Variants in LDB3 observed in about 807,000 individuals in gnomAD.
LDB3 encodes LIM domain-binding protein 3.
In LDB3, 49 loss-of-function variants were observed where a neutral mutation model predicts 69.0. The ratio of observed to expected loss-of-function variants is 0.71; its 90% CI spans 0.56 to 0.90. LDB3 has a LOEUF of 0.90. Ranked by LOEUF, LDB3 falls within the 40% of genes least tolerant of loss-of-function variation. The pLI is 0.00. For synonymous variants in LDB3, 387 were observed against 396.2 expected, an observed-to-expected ratio of 0.98 and a Z score of 0.28; for missense variants, 928 against 974.1, an observed-to-expected ratio of 0.95 and a Z score of 0.63.
rs549841691 is a variant in LDB3 at position 86,699,602 on chromosome 10, C to T, written c.897-6929C>T. 98 of 1,396,722 alleles carry T rather than the reference C, an allele frequency of 7.0e-5. No homozygotes were observed. Among genetic ancestry groups the T allele is most frequent in the Non-Finnish European group, 6.8e-5 (73 of 1,073,692 alleles). 86.5% of individuals were successfully genotyped at this position (1,396,722 alleles called of 1,614,324 possible). Reference sequence around the variant, plus strand: ...CACCAAACCTCCCCAGGGCAACCCTCGCCACCCCCCAAATAGCCCGTAGCC... The same window carrying T: ...CACCAAACCTCCCCAGGGCAACCCTTGCCACCCCCCAAATAGCCCGTAGCC... On this transcript the variant is annotated intron_variant, in intron 7 of 13. Coordinates refer to ENST00000361373, the MANE Select transcript of LDB3 (RefSeq NM_007078.3). The surrounding 1 kb of genome is among the most constrained non-coding windows in gnomAD (Gnocchi z 4.9).
intron 5 of LDB3, among the ~76,000 whole-genome samples, chr10:86,685,961 C>T (rs1845445556): frequency 6.6e-6 from 1 of 152,004 alleles, no homozygotes; most frequent in Non-Finnish European, 1.5e-5. Flanking sequence ...TAAGATGTGC[C>T]TGGGGTTGGT....
At position 86,681,541 on chromosome 10, in the gene LDB3, AGC is replaced by A; in HGVS notation, c.428_429del (p.Ser143ThrfsTer17). 6.2e-7 allele frequency: 1 copy of A among 1,612,810 alleles called. No homozygotes were observed. Among genetic ancestry groups the A allele is most frequent in the Non-Finnish European group, 8.5e-7 (1 of 1,179,798 alleles). ...CACCCCGGAGCTCAGGCCCACCTTT[AGC>A]CCTGCCTTCTCCCGGCCCTCCGCCT... ...PGTPELRPTF[S>X]PAFSRPSAFS... On this transcript the variant is annotated frameshift_variant, in exon 5 of 14. Transcript: ENST00000361373. LOFTEE classifies it high-confidence loss of function.
At chr10:86,703,084 C>G (rs1485182844) in intron 7 of LDB3, among the ~76,000 whole-genome samples, 1 of 152,176 alleles carries the variant, frequency 6.6e-6, no homozygotes, top group Non-Finnish European at 1.5e-5. Flanking sequence ...TGAATTGGAG[C>G]CAAGGAGACA....
intron 5 of LDB3, among the ~76,000 whole-genome samples, chr10:86,686,895 G>T (rs1435282712): frequency 6.6e-6 from 1 of 151,986 alleles, no homozygotes; most frequent in Admixed American, 6.5e-5. Flanking sequence ...AATACACCCA[G>T]ACCACCCACC....
intron 8 of LDB3, 46 bp from the exon 9 acceptor site, chr10:86,709,859 G>A: frequency 6.2e-7 from 1 of 1,601,280 alleles, no homozygotes. Flanking sequence ...GCAGGCCCCA[G>A]TGGGGGCTGT....
rs377178682 is a variant in LDB3 at position 86,726,207 on chromosome 10, C to G, written c.2049C>G (p.Ile683Met). 6.2e-7 allele frequency: 1 copy of G among 1,614,096 alleles called. No homozygotes were observed. Among genetic ancestry groups the G allele is most frequent in the South Asian group, 1.1e-5 (1 of 91,074 alleles). Residue 683 changes from isoleucine (I) to methionine (M), a missense_variant, in exon 13 of 14, where the codon ATC (isoleucine) becomes ATG (methionine). By Grantham distance (10) the Ile-to-Met change is conservative. Coordinates refer to ENST00000361373, the MANE Select transcript of LDB3 (RefSeq NM_007078.3). ...DFPVEAGDKF[I>M]EALGHTWHDT... is the part of the protein sequence containing the mutation. ...CCGTGGAGGCTGGCGACAAGTTTAT[C>G]GAAGCCCTGGGCCACACTTGGCACG...
At position 86,677,074 on chromosome 10, in the gene LDB3, G is replaced by A. The variant is rs192592109; in HGVS notation, c.94-2293G>A. On this transcript the variant is annotated intron_variant, in intron 2 of 13. Transcript: ENST00000361373. ...AGAGAAGCCCAGAGGACTGGCTGGT[G>A]GGCATGTTTGGGAGGCAAAGCCAAG... 2.2e-3 allele frequency among the ~76,000 whole-genome samples: 336 copies of A among 152,336 alleles called. 2 individuals are homozygous for A. The highest frequency in any genetic ancestry group is 3.5e-3 in the Non-Finnish European group (238 of 68,028).
chr10:86,688,103 TG>T (rs1845592341), intron 5 of LDB3, among the ~76,000 whole-genome samples: 1 of 141,300 alleles, frequency 7.1e-6, no homozygotes, highest in Non-Finnish European at 1.5e-5. Context: ...GTCTATCTGT[TG>T]TTTCTTTTTT....
In LDB3 at chr10:86,668,719, C is replaced by G; in HGVS notation, c.28C>G (p.Pro10Ala). Residue 10 changes from proline to alanine, a missense_variant, in exon 2 of 14, where the codon CCC becomes GCC. Physicochemically the swap from Pro to Ala is conservative, Grantham distance 27 (BLOSUM62 -1). Coordinates refer to ENST00000361373, the MANE Select transcript of LDB3 (RefSeq NM_007078.3). MSYSVTLTG[P>A]GPWGFRLQGG... ...GTCTTACAGTGTGACCCTGACTGGG[C>G]CCGGGCCCTGGGGCTTCCGTCTGCA... is the stretch of plus-strand genomic sequence containing the variant. 6.2e-7 allele frequency: 1 copy of G among 1,613,384 alleles called. No homozygotes were observed.
intron 2 of LDB3, among the ~76,000 whole-genome samples, chr10:86,671,346 C>T (rs1436768436): frequency 6.6e-6 from 1 of 152,156 alleles, no homozygotes; most frequent in Non-Finnish European, 1.5e-5. Flanking sequence ...GCAGCTCCTC[C>T]TGGAAGGACA....
intron 10 of LDB3, 75 bp from the exon 11 acceptor site, chr10:86,717,889 G>T: frequency 1.5e-6 from 2 of 1,357,038 alleles, no homozygotes; most frequent in African/African-American, 1.4e-5. Flanking sequence ...AGTATAAACA[G>T]TGTTGGGGTT....
At chr10:86,677,506 G>C (rs972474904) in intron 2 of LDB3, among the ~76,000 whole-genome samples, 1 of 152,132 alleles carries the variant, frequency 6.6e-6, no homozygotes, top group African/African-American at 2.4e-5. Context: ...ATTTGGCATC[G>C]TGCATGATGT....
intron 9 of LDB3, among the ~76,000 whole-genome samples, chr10:86,711,583 C>A: frequency 6.6e-6 from 1 of 151,918 alleles, no homozygotes; most frequent in East Asian, 1.9e-4. Context: ...TCCCTCCAGG[C>A]TCTTCGGATC....
At chr10:86,719,209 T>C (rs1055097538) in intron 12 of LDB3, among the ~76,000 whole-genome samples, 3 of 151,998 alleles carry the variant, frequency 2.0e-5, no homozygotes, top group African/African-American at 7.2e-5. Flanking sequence ...ACCAGCAACA[T>C]AGCAAGACCC....
At chr10:86,710,080 C>T (rs11597201) in intron 9 of LDB3, 30 bp downstream of exon 9, 54 of 1,608,780 alleles carry the variant, frequency 3.4e-5, no homozygotes, top group Non-Finnish European at 4.1e-5. Flanking sequence ...GGGAGGCTGT[C>T]GAAAGCCATG....
At chr10:86,706,741 G>T (rs762237517) in intron 8 of LDB3, 22 bp downstream of exon 8, 2 of 1,598,502 alleles carry the variant, frequency 1.3e-6, no homozygotes, top group East Asian at 4.5e-5. Flanking sequence ...ACAGGTGCTG[G>T]GCCTGACCCT....
upstream of LDB3, chr10:86,668,381 T>G: frequency 2.4e-5 from 11 of 449,808 alleles, no homozygotes; most frequent in East Asian, 4.4e-5. Context: ...CCCCAGGGGC[T>G]ATATTAGCCG....
chr10:86,707,537 T>A (rs1001576115), intron 8 of LDB3, among the ~76,000 whole-genome samples: 1 of 152,044 alleles, frequency 6.6e-6, no homozygotes, highest in Non-Finnish European at 1.5e-5. Context: ...AGTGGCCATG[T>A]GGCGCATCAG....
At position 86,699,231 on chromosome 10, in the gene LDB3, G is replaced by A. The variant is rs1846143922; in HGVS notation, c.896+6660G>A. On this transcript the variant is annotated intron_variant, in intron 7 of 13. Coordinates refer to ENST00000361373, the MANE Select transcript of LDB3 (RefSeq NM_007078.3). The surrounding 1 kb of genome is among the most constrained non-coding windows in gnomAD (Gnocchi z 4.9). ...CTCTCTTCTCTCTCTTTCTGTCTCT[G>A]TCTCTGTTTCTCTCTCTCTCTCTCT... 2 of 1,550,856 alleles carry A rather than the reference G, an allele frequency of 1.3e-6. No homozygotes were observed. The highest frequency in any genetic ancestry group is 1.9e-5 in the African/African-American group (1 of 53,688).
Sources: gnomAD v4.1 joint callset for allele counts (sites outside exome capture counted in the v4.1 genomes callset) on GRCh38, gnomAD v4.1.1 for gene constraint, Gnocchi (gnomAD v3.1) non-coding constraint, MANE v1.5 for transcripts, NCBI Gene and HGNC (gene_info 2026-07-23, HGNC 2026-07-21) for gene names.